MTIF3: variants seen among roughly 807,000 people sequenced by gnomAD.
MTIF3 encodes mitochondrial translational initiation factor 3, also known as translation initiation factor IF-3, mitochondrial.
A neutral mutation model predicts 20.7 loss-of-function variants in MTIF3; 13 were observed. The observed-to-expected ratio is 0.63, with a 90% confidence interval of 0.41 to 1.00. The LOEUF (loss-of-function observed/expected upper bound fraction) is 1.00, where lower values mean the gene tolerates loss of function less well. Among genes scored for constraint, MTIF3 ranks in the 50% least tolerant of loss-of-function variants. The pLI, the probability that MTIF3 is intolerant of heterozygous loss-of-function variation, is 0.00. For missense variants in MTIF3, 295 were observed against 324.5 expected, an observed-to-expected ratio of 0.91 and a Z score of 0.70; for synonymous variants, 114 against 112.5, an observed-to-expected ratio of 1.01 and a Z score of -0.08.
At chr13:27,446,569 A>T (rs1410410037) in intron 1 of MTIF3, among the ~76,000 whole-genome samples, 2 of 152,244 alleles carry the variant, frequency 1.3e-5, no homozygotes, top group Non-Finnish European at 2.9e-5. Context: ...GCCTAGAGGG[A>T]GGAATGGTTC....
rs778655175 is a variant in MTIF3 at position 27,440,002 on chromosome 13, C to T, written c.447G>A (p.Ala149=). 1.0e-4 allele frequency: 165 copies of T among 1,613,298 alleles called. No homozygotes were observed. The East Asian group carries it at 1.9e-3, about 19-fold the overall frequency. ...CAAAATACCTACCAGTTTTGGGGTT[C>T]GCCTTCTCCATCTCCCTCAGCCTCT... ...ERQRLREMEK[A]NPKTGPTLRK... Residue 149 remains alanine (A), a synonymous_variant, in exon 3 of 5, where the codon GCG becomes GCA. Transcript: ENST00000381120.
At chr13:27,438,406 CTGGATCCCA>C (rs1242118771) in intron 3 of MTIF3, among the ~76,000 whole-genome samples, 1 of 145,618 alleles carries the variant, frequency 6.9e-6, no homozygotes, top group Admixed American at 6.9e-5. Context: ...GGGAGGATTG[CTGGATCCCA>C]GGAGATGGAG....
rs377095527 is a variant in MTIF3, at chr13:27,435,767, TCTC to T, written c.742_744del (p.Glu248del). ...GTCTCTTGAGTTTCTTTATATGCCTTCTCCTCATTTTTGCTGAAAGCACGAAGA... is the reference window on the plus strand; with the variant it reads ...GTCTCTTGAGTTTCTTTATATGCCTTCTCATTTTTGCTGAAAGCACGAAGA... On this transcript the variant is annotated inframe_deletion, in exon 5 of 5. Transcript: ENST00000381120. 18 of 1,614,138 alleles carry T rather than the reference TCTC, an allele frequency of 1.1e-5. No individual in the cohort carries two copies. The highest frequency in any genetic ancestry group is 1.6e-4 in the Middle Eastern group (1 of 6,062).
chr13:27,444,333 C>T (rs1190324368), intron 2 of MTIF3, among the ~76,000 whole-genome samples: 1 of 151,838 alleles, frequency 6.6e-6, no homozygotes, highest in East Asian at 1.9e-4. Flanking sequence ...AAGAAAAACA[C>T]TGGAAGTATA....
chr13:27,442,496 T>C (rs1163796894), intron 2 of MTIF3, among the ~76,000 whole-genome samples: 1 of 152,170 alleles, frequency 6.6e-6, no homozygotes, highest in Non-Finnish European at 1.5e-5. Flanking sequence ...ACGTTCCTCC[T>C]CTGCCCACAC....
intron 2 of MTIF3, among the ~76,000 whole-genome samples, chr13:27,443,980 G>A (rs867745390): frequency 6.6e-6 from 1 of 152,076 alleles, no homozygotes; most frequent in Non-Finnish European, 1.5e-5. Context: ...TTCCAAGAAG[G>A]AAACAAAGGA....
At chr13:27,439,935 ACTG>A in intron 3 of MTIF3, 51 bp downstream of exon 3, 1 of 1,494,766 alleles carries the variant, frequency 6.7e-7, no homozygotes, top group Non-Finnish European at 9.2e-7. Context: ...TAGAATTTAA[ACTG>A]CTGATTTGTA....
Position 27,440,077 on chromosome 13 carries a change from T to TTC in MTIF3, c.370_371dup (p.Pro125AsnfsTer8). 1 of 1,614,226 alleles carries TTC rather than the reference T, an allele frequency of 6.2e-7. No homozygotes were observed. Among genetic ancestry groups the TTC allele is most frequent in the Non-Finnish European group, 8.5e-7 (1 of 1,180,034 alleles). On this transcript the variant is annotated frameshift_variant, in exon 3 of 5. Transcript: ENST00000381120. LOFTEE classifies it high-confidence loss of function. ...CTGTCATGAGCTGATACTCTGCAGG[T>TTC]TCTGTGCTGGTGTTCCTTTGAACCA...
At chr13:27,450,021 A>G (rs1286034789) in intron 1 of MTIF3, 1 of 152,322 alleles carries the variant, frequency 6.6e-6, no homozygotes, top group Non-Finnish European at 1.5e-5. Flanking sequence ...TTTGTCCAGC[A>G]TGTCCTGCGC....
intron 2 of MTIF3, among the ~76,000 whole-genome samples, chr13:27,440,765 T>G (rs1027477476): frequency 2.6e-5 from 4 of 152,068 alleles, no homozygotes; most frequent in Admixed American, 6.5e-5. Flanking sequence ...TTTGACTACT[T>G]AGTTGACCCC....
chr13:27,436,523 A>G (rs74563672), intron 4 of MTIF3, among the ~76,000 whole-genome samples: 20,249 of 152,184 alleles, frequency 0.13, 1,777 homozygotes, highest in Non-Finnish European at 0.19. Flanking sequence ...AGAAACAAAA[A>G]ATCTATAAAG....
intron 2 of MTIF3, among the ~76,000 whole-genome samples, chr13:27,442,699 T>C (rs1315525984): frequency 9.9e-5 from 15 of 152,166 alleles, no homozygotes; most frequent in Admixed American, 9.2e-4. Flanking sequence ...TTCCCTCAGA[T>C]AGCCTCATGG....
At chr13:27,440,915 T>C in intron 2 of MTIF3, 1 of 170,716 alleles carries the variant, frequency 5.9e-6, no homozygotes, top group South Asian at 1.3e-4. Flanking sequence ...TTAACACATA[T>C]TTTGTATGCC....
intron 3 of MTIF3, among the ~76,000 whole-genome samples, chr13:27,439,696 CAG>C (rs1193079103): frequency 6.6e-6 from 1 of 152,092 alleles, no homozygotes; most frequent in African/African-American, 2.4e-5. Flanking sequence ...GGCCACAGGA[CAG>C]GGGAAAGAGT....
Position 27,440,465 on chromosome 13 carries a change from G to A in MTIF3, c.-1-16C>T. 6.4e-7 allele frequency: 1 copy of A among 1,553,900 alleles called. No homozygotes were observed. Among genetic ancestry groups the A allele is most frequent in the Non-Finnish European group, 8.7e-7 (1 of 1,144,980 alleles). Reference sequence around the variant, plus strand: ...AGCAGCCATCCTAAGAAAGTAGTAAGAAGAGTTCATTAAAATTCAATCACT... The same window carrying A: ...AGCAGCCATCCTAAGAAAGTAGTAAAAAGAGTTCATTAAAATTCAATCACT... On this transcript the variant is annotated splice_polypyrimidine_tract_variant and intron_variant, in intron 2 of 4. Transcript: ENST00000381120.
At chr13:27,443,704 T>A (rs1954078065) in intron 2 of MTIF3, among the ~76,000 whole-genome samples, 1 of 152,100 alleles carries the variant, frequency 6.6e-6, no homozygotes, top group South Asian at 2.1e-4. Flanking sequence ...GTTTAATAAA[T>A]TATCAACATA....
At position 27,436,141 on chromosome 13, in the gene MTIF3, C is replaced by T. The variant is rs183863099; in HGVS notation, c.619-248G>A. ...ACTTCGTCATGGCACGAAGAGGCTACGTTTGGCTCAGCATTACCCTCTCCC... is the reference window on the plus strand; with the variant it reads ...ACTTCGTCATGGCACGAAGAGGCTATGTTTGGCTCAGCATTACCCTCTCCC... On this transcript the variant is annotated intron_variant, in intron 4 of 4. Transcript: ENST00000381120. Among the ~76,000 whole-genome samples, 5 of 152,286 alleles carry T rather than the reference C, an allele frequency of 3.3e-5. No homozygotes were observed. In the East Asian group the frequency reaches 5.8e-4, roughly 18 times the overall value.
chr13:27,440,831 T>C (rs1953981897), intron 2 of MTIF3, among the ~76,000 whole-genome samples: 2 of 152,096 alleles, frequency 1.3e-5, no homozygotes, highest in Admixed American at 1.3e-4. Context: ...AATCTGTGTA[T>C]AACTTTGACT....
chr13:27,437,301 A>G (rs1680533702), intron 3 of MTIF3, 28 bp from the exon 4 acceptor site: 1 of 1,605,506 alleles, frequency 6.2e-7, no homozygotes, highest in Admixed American at 1.7e-5. Flanking sequence ...GGGTGCAAGG[A>G]CTACTGACTA....
Sources: allele counts gnomAD v4.1 joint callset (sites outside exome capture counted in the v4.1 genomes callset), GRCh38; gene constraint gnomAD v4.1.1; transcripts MANE v1.5; gene names NCBI Gene and HGNC (gene_info 2026-07-23, HGNC 2026-07-21).